The following MARVELD3 variants were observed in gnomAD, a reference collection of about 807,000 sequenced individuals.
The protein encoded by MARVELD3 is MARVEL domain-containing protein 3.
A neutral mutation model predicts 33.5 loss-of-function variants in MARVELD3; 28 were observed. The observed-to-expected ratio is 0.84, with a 90% CI of 0.62 to 1.15. MARVELD3 has a LOEUF of 1.15. Among genes scored for constraint, MARVELD3 ranks in the 50% most tolerant of loss-of-function variants. MARVELD3 has a pLI of 0.00. For missense variants in MARVELD3, 582 were observed against 547.6 expected, an observed-to-expected ratio of 1.06 and a Z score of -0.63; for synonymous variants, 241 against 230.4, an observed-to-expected ratio of 1.05 and a Z score of -0.42.
chr16:71,640,332 T>G (rs924950406), downstream of MARVELD3: 4 of 1,576,456 alleles, frequency 2.5e-6, no homozygotes, highest in South Asian at 2.3e-5. Context: ...GTGGTATGTC[T>G]CTGGCTTGGC....
At chr16:71,629,901 TCTC>T (rs1209912955) in intron 2 of MARVELD3, among the ~76,000 whole-genome samples, 1 of 152,046 alleles carries the variant, frequency 6.6e-6, no homozygotes, top group Non-Finnish European at 1.5e-5. Flanking sequence ...CAGCACCTGT[TCTC>T]CTTGAAGATC....
downstream of MARVELD3, among the ~76,000 whole-genome samples, chr16:71,640,199 G>A (rs1333732419): frequency 2.0e-5 from 3 of 151,834 alleles, no homozygotes; most frequent in Non-Finnish European, 2.9e-5. Context: ...AAGCCAGGAG[G>A]TGGAGGTTGC....
chr16:71,640,780 A>G (rs1397135168), downstream of MARVELD3: 16 of 1,614,142 alleles, frequency 9.9e-6, no homozygotes, highest in Middle Eastern at 1.6e-4. Flanking sequence ...CTGCAGATCA[A>G]TAGCACCGAC....
chr16:71,627,627 G>A (rs2044487920), intron 1 of MARVELD3, among the ~76,000 whole-genome samples: 1 of 152,194 alleles, frequency 6.6e-6, no homozygotes, highest in Admixed American at 6.5e-5. Flanking sequence ...GTCTCTCTAG[G>A]CAGCGTCATT....
Position 71,634,918 on chromosome 16 carries a change from AGC to A in MARVELD3, c.*117_*118del, listed in dbSNP as rs1291262806. The A allele has an allele frequency of 1.4e-6, 2 of 1,478,652 alleles. No individual in the cohort carries two copies. The highest frequency in any genetic ancestry group is 1.8e-6 in the Non-Finnish European group (2 of 1,119,234). The allele number at this position is 1,478,652 out of a possible 1,614,324, so 91.6% of individuals were successfully genotyped here. A position where few individuals can be genotyped will look rare whatever the true frequency, so the allele number is the denominator to read the frequency against. Reference sequence around the variant, plus strand: ...TCCAGTGCTGGAAAAGCAGCGAGCCAGCGTTGGTGTGGTGGGCGGAGCTCCCA... The same window carrying A: ...TCCAGTGCTGGAAAAGCAGCGAGCCAGTTGGTGTGGTGGGCGGAGCTCCCA... On this transcript the variant is annotated 3_prime_UTR_variant, in exon 3 of 3. Coordinates refer to ENST00000268485, the MANE Select transcript of MARVELD3 (RefSeq NM_052858.6).
chr16:71,634,522 T>C lies in MARVELD3; in HGVS notation c.925T>C (p.Leu309=), dbSNP rs2044564427. ...ACTGTTGCTGGTGACCGAAGGCTTG[T>C]TGGACATGCTCATCGCGGGGGGGTA... ...CPLLLVTEGL[L]DMLIAGGYIP... Residue 309 remains leucine, a synonymous_variant, in exon 3 of 3, where the codon TTG becomes CTG. Coordinates refer to ENST00000268485, the MANE Select transcript of MARVELD3 (RefSeq NM_052858.6). 2.5e-6 allele frequency: 4 copies of C among 1,614,210 alleles called. No individual in the cohort carries two copies. The highest frequency in any genetic ancestry group is 3.4e-6 in the Non-Finnish European group (4 of 1,180,036).
chr16:71,634,082 G>T, intron 2 of MARVELD3, 111 bp from the exon 3 acceptor site: 1 of 1,500,076 alleles, frequency 6.7e-7, no homozygotes, highest in South Asian at 1.4e-5. Flanking sequence ...TCTTCCACAG[G>T]GCCAGAAGCC....
At chr16:71,637,815 ATT>A (rs2044591333), downstream of MARVELD3, 1 of 152,204 alleles carries the variant, frequency 6.6e-6, no homozygotes, top group African/African-American at 2.4e-5. Flanking sequence ...TTTTGGAAAC[ATT>A]ACTGAGTAGC....
At chr16:71,631,190 T>C (rs987211621) in intron 2 of MARVELD3, among the ~76,000 whole-genome samples, 1 of 152,208 alleles carries the variant, frequency 6.6e-6, no homozygotes, top group South Asian at 2.1e-4. Flanking sequence ...ATTACTCTAG[T>C]TGCAGATATT....
intron 2 of MARVELD3, among the ~76,000 whole-genome samples, chr16:71,631,250 G>A (rs1177827275): frequency 1.3e-5 from 2 of 152,134 alleles, no homozygotes; most frequent in East Asian, 3.9e-4. Context: ...GAGCTTCAGA[G>A]AAGTACAGTA....
At chr16:71,632,429 G>C (rs1458845440) in intron 2 of MARVELD3, among the ~76,000 whole-genome samples, 2 of 152,098 alleles carry the variant, frequency 1.3e-5, no homozygotes, top group African/African-American at 2.4e-5. Context: ...GAAGAATCCA[G>C]CTCTGGGAAA....
chr16:71,635,253 T>C lies in MARVELD3; in HGVS notation c.*450T>C. 1.1e-6 allele frequency: 1 copy of C among 874,504 alleles called. No individual in the cohort carries two copies. Among genetic ancestry groups the C allele is most frequent in the African/African-American group, 1.9e-5 (1 of 53,154 alleles). The allele number at this position is 874,504 out of a possible 1,614,324, so 54.2% of individuals were successfully genotyped here. A position where few individuals can be genotyped will look rare whatever the true frequency, so the allele number is the denominator to read the frequency against. On this transcript the variant is annotated 3_prime_UTR_variant, in exon 3 of 3. Coordinates refer to ENST00000268485, the MANE Select transcript of MARVELD3 (RefSeq NM_052858.6). The stretch of plus-strand genomic sequence containing the variant: ...CTGAGGCAGGAGAATCGCTTGAATC[T>C]GGGAGGCGGAGATTGCAGTGAGCCG...
chr16:71,636,128 C>T lies in MARVELD3; in HGVS notation c.*1325C>T, dbSNP rs575997016. On this transcript the variant is annotated 3_prime_UTR_variant, in exon 3 of 3. Coordinates refer to ENST00000268485, the MANE Select transcript of MARVELD3 (RefSeq NM_052858.6). Reference sequence around the variant, plus strand: ...GGTCCTTAAGTTATGACTTATGGAACATTACAATATATTCTCGGTCCAAGT... The same window carrying T: ...GGTCCTTAAGTTATGACTTATGGAATATTACAATATATTCTCGGTCCAAGT... The T allele has an allele frequency of 1.0e-6, 1 of 985,018 alleles. No homozygotes were observed. The highest frequency in any genetic ancestry group is 1.2e-6 in the Non-Finnish European group (1 of 829,748). 61.0% of individuals were successfully genotyped at this position (985,018 alleles called of 1,614,324 possible). A position where few individuals can be genotyped will look rare whatever the true frequency, so the allele number is the denominator to read the frequency against.
rs1192869898 is a variant in MARVELD3 at position 71,634,521 on chromosome 16, G to A, written c.924G>A (p.Leu308=). Residue 308 remains leucine, a synonymous_variant, in exon 3 of 3, where the codon TTG becomes TTA. Coordinates refer to ENST00000268485, the MANE Select transcript of MARVELD3 (RefSeq NM_052858.6). ...HCPLLLVTEG[L]LDMLIAGGYI... The stretch of plus-strand genomic sequence containing the variant: ...CACTGTTGCTGGTGACCGAAGGCTT[G>A]TTGGACATGCTCATCGCGGGGGGGT... 3.1e-6 allele frequency: 5 copies of A among 1,614,238 alleles called. No homozygotes were observed. Among genetic ancestry groups the A allele is most frequent in the Non-Finnish European group, 4.2e-6 (5 of 1,180,038 alleles).
intron 2 of MARVELD3, among the ~76,000 whole-genome samples, chr16:71,633,035 C>T (rs1319008242): frequency 6.6e-6 from 1 of 152,102 alleles, no homozygotes; most frequent in Non-Finnish European, 1.5e-5. Context: ...AGAACTCTCC[C>T]CTTACAAATT....
intron 1 of MARVELD3, among the ~76,000 whole-genome samples, chr16:71,627,562 T>A (rs1303488286): frequency 6.6e-6 from 1 of 151,764 alleles, no homozygotes; most frequent in Non-Finnish European, 1.5e-5. Context: ...GAACAAAGTC[T>A]ACGTAAAATT....
At chr16:71,638,262 T>A (rs562778509), downstream of MARVELD3, 4 of 152,226 alleles carry the variant, frequency 2.6e-5, no homozygotes, top group Non-Finnish European at 5.9e-5. Context: ...ATTTGTGGGT[T>A]CCTTTCAGTC....
rs1412913966 is a variant in MARVELD3, at chr16:71,635,626, A to C, written c.*823A>C. ...TATTGCCAAAATACCAAAAAAAAAA[A>C]AAGTTCATGGAGAGCCACATAGACA... On this transcript the variant is annotated 3_prime_UTR_variant, in exon 3 of 3. Coordinates refer to ENST00000268485, the MANE Select transcript of MARVELD3 (RefSeq NM_052858.6). 9 of 985,222 alleles carry C rather than the reference A, an allele frequency of 9.1e-6. No homozygotes were observed. The highest frequency in any genetic ancestry group is 1.1e-5 in the Non-Finnish European group (9 of 829,958). 61.0% of individuals were successfully genotyped at this position (985,222 alleles called of 1,614,324 possible).
downstream of MARVELD3, chr16:71,640,814 C>G (rs758168166): frequency 1.1e-5 from 18 of 1,614,132 alleles, no homozygotes; most frequent in Non-Finnish European, 1.4e-5. Context: ...GAGAGAGGCT[C>G]TATGCCCGCA....
Sources: gnomAD v4.1 joint callset for allele counts (sites outside exome capture counted in the v4.1 genomes callset) on GRCh38, gnomAD v4.1.1 for gene constraint, MANE v1.5 for transcripts, NCBI Gene and HGNC (gene_info 2026-07-23, HGNC 2026-07-21) for gene names.